Variants in ASXL2 observed in about 807,000 individuals in gnomAD.
The protein encoded by ASXL2 is putative Polycomb group protein ASXL2.
Under a neutral mutation model 122.0 loss-of-function variants are expected in ASXL2, and 23 were observed. The ratio of observed to expected loss-of-function variants is 0.19; its 90% CI spans 0.14 to 0.27. ASXL2 has a LOEUF of 0.27. ASXL2 is among the 10% of genes least tolerant of loss of function. ASXL2 has a pLI of 1.00. For synonymous variants in ASXL2, 650 were observed against 637.0 expected, an observed-to-expected ratio of 1.02 and a Z score of -0.31; for missense variants, 1,518 against 1,713.8, an observed-to-expected ratio of 0.89 and a Z score of 2.02.
intron 1 of ASXL2, among the ~76,000 whole-genome samples, chr2:25,849,978 T>TA (rs1203164974): frequency 1.3e-5 from 2 of 152,098 alleles, no homozygotes; most frequent in Non-Finnish European, 2.9e-5. Flanking sequence ...TATGGAAATC[T>TA]AAAAAAAATT....
Position 25,743,192 on chromosome 2 carries a change from T to C in ASXL2, c.3145A>G (p.Ile1049Val), listed in dbSNP as rs1218208103. 3 of 1,614,010 alleles carry C rather than the reference T, an allele frequency of 1.9e-6. No individual in the cohort carries two copies. Among genetic ancestry groups the C allele is most frequent in the Non-Finnish European group, 2.5e-6 (3 of 1,179,884 alleles). ...FSAKELRDSSIDTHQYHEGLS... is the reference protein window; with the variant it reads ...FSAKELRDSSVDTHQYHEGLS... The stretch of plus-strand genomic sequence containing the variant: ...CCTTCGTGGTATTGGTGTGTGTCAA[T>C]GCTGGAGTCCCTCAGCTCCTTAGCT... The change falls in exon 13 of 13, where the codon ATT becomes GTT. Residue 1049 changes from isoleucine (I) to valine (V), a missense_variant. Transcript: ENST00000435504.
intron 8 of ASXL2, among the ~76,000 whole-genome samples, chr2:25,764,627 G>C (rs1278956835): frequency 6.6e-6 from 1 of 152,006 alleles, no homozygotes; most frequent in East Asian, 1.9e-4. Flanking sequence ...CCAGTTTTTT[G>C]TTTAATATAA....
At chr2:25,832,897 C>T (rs977854917) in intron 3 of ASXL2, among the ~76,000 whole-genome samples, 1 of 152,112 alleles carries the variant, frequency 6.6e-6, no homozygotes, top group East Asian at 1.9e-4. Flanking sequence ...GAGGACTCTC[C>T]AGAGACATAC....
chr2:25,823,670 CT>C (rs1418029150), intron 3 of ASXL2, among the ~76,000 whole-genome samples: 1 of 151,098 alleles, frequency 6.6e-6, no homozygotes, highest in Admixed American at 6.6e-5. Flanking sequence ...AGATTTGTAT[CT>C]GCACTGTCAG....
rs376019147 is a variant in ASXL2 at position 25,744,305 on chromosome 2, C to T, written c.2032G>A (p.Ala678Thr). ...ACTGAGGCGGCTGCAGCAGCTGCGGCGGCAGCGGCAGCTGCTGCCCTCTGT... is the reference window on the plus strand; with the variant it reads ...ACTGAGGCGGCTGCAGCAGCTGCGGTGGCAGCGGCAGCTGCTGCCCTCTGT... ...KAQRAAAAAA[A>T]AAAAAASVGG... The change falls in exon 13 of 13, where the codon GCC (alanine) becomes ACC (threonine). Residue 678 changes from alanine to threonine, a missense_variant. This residue lies in a region of ASXL2 where 48 missense variants were observed against 82.1 expected (regional missense o/e 0.58). Coordinates refer to ENST00000435504, the MANE Select transcript of ASXL2 (RefSeq NM_018263.6). This position sits in a 1 kb window ranked among gnomAD's most constrained non-coding sequence, Gnocchi z 4.7. 2.0e-5 allele frequency: 33 copies of T among 1,611,120 alleles called. No individual in the cohort carries two copies. The highest frequency in any genetic ancestry group is 1.6e-4 in the Middle Eastern group (1 of 6,068).
intron 5 of ASXL2, among the ~76,000 whole-genome samples, chr2:25,792,670 T>C (rs2088852496): frequency 6.6e-6 from 1 of 151,996 alleles, no homozygotes; most frequent in Non-Finnish European, 1.5e-5. Context: ...TGGCGTGATC[T>C]TGGCTCACTG....
At chr2:25,845,409 T>C (rs1474725255) in intron 2 of ASXL2, 72 bp downstream of exon 2, 4 of 1,302,084 alleles carry the variant, frequency 3.1e-6, no homozygotes, top group Non-Finnish European at 4.1e-6. Context: ...AGGACTAAAG[T>C]ATACTATTAT....
At chr2:25,794,570 C>T (rs932162929) in intron 5 of ASXL2, among the ~76,000 whole-genome samples, 1 of 152,174 alleles carries the variant, frequency 6.6e-6, no homozygotes, top group Non-Finnish European at 1.5e-5. Context: ...CCACTTTACA[C>T]AGAAATCAAT....
rs2087757103 is a variant in ASXL2 at position 25,737,572 on chromosome 2, A to G, written c.*4457T>C. 1 of 152,166 alleles carries G rather than the reference A, an allele frequency of 6.6e-6. No individual in the cohort carries two copies. The highest frequency in any genetic ancestry group is 1.9e-4 in the East Asian group (1 of 5,198). The allele number at this position is 152,166 out of a possible 1,614,324, so 9.4% of individuals were successfully genotyped here. On this transcript the variant is annotated 3_prime_UTR_variant, in exon 13 of 13. Coordinates refer to ENST00000435504, the MANE Select transcript of ASXL2 (RefSeq NM_018263.6). The stretch of plus-strand genomic sequence containing the variant: ...AGTTCCTCATTTTACTCTCTTCCAT[A>G]CAATCTGTGGGAACCATCCCATAGG...
chr2:25,742,305 A>G lies in ASXL2; in HGVS notation c.4032T>C (p.Ala1344=). The part of the protein sequence containing the change: ...STSSDMDHNS[A]VPGSQVSSNV... ...TGCTAGATACCTGGCTACCTGGTAC[A>G]GCAGAGTTATGGTCCATGTCAGATG... Residue 1344 remains alanine (A), a synonymous_variant, in exon 13 of 13, where the codon GCT becomes GCC. Transcript: ENST00000435504. 3 of 1,613,904 alleles carry G rather than the reference A, an allele frequency of 1.9e-6. No homozygotes were observed. The highest frequency in any genetic ancestry group is 2.5e-6 in the Non-Finnish European group (3 of 1,179,870).
chr2:25,861,346 C>A (rs538805054), intron 1 of ASXL2, among the ~76,000 whole-genome samples: 63 of 152,216 alleles, frequency 4.1e-4, no homozygotes, highest in African/African-American at 1.4e-3. Context: ...ATTCTATGCC[C>A]ACATACTTAA....
chr2:25,821,984 G>A (rs1433228379), intron 3 of ASXL2, among the ~76,000 whole-genome samples: 1 of 152,184 alleles, frequency 6.6e-6, no homozygotes, highest in East Asian at 1.9e-4. Flanking sequence ...GATGCAATGA[G>A]TTGCAAGTAA....
intron 3 of ASXL2, among the ~76,000 whole-genome samples, chr2:25,822,094 A>C (rs2089318790): frequency 6.6e-6 from 1 of 152,230 alleles, no homozygotes; most frequent in African/African-American, 2.4e-5. Context: ...AGAAGAATTC[A>C]TCTTCCACCT....
chr2:25,777,757 C>T (rs2088572233), intron 5 of ASXL2, among the ~76,000 whole-genome samples: 1 of 152,120 alleles, frequency 6.6e-6, no homozygotes, highest in Non-Finnish European at 1.5e-5. Flanking sequence ...TTCATTTTAA[C>T]AGGAGTTCAT....
At position 25,734,297 on chromosome 2, in the gene ASXL2, T is replaced by C. The variant is rs2087698016; in HGVS notation, c.*7732A>G. On this transcript the variant is annotated 3_prime_UTR_variant, in exon 13 of 13. Transcript: ENST00000435504. Reference sequence around the variant, plus strand: ...AAAGGGGTAACCAAATCCAAGACTCTGGAAGCATCTGATTAACTTAAAATG... The same window carrying C: ...AAAGGGGTAACCAAATCCAAGACTCCGGAAGCATCTGATTAACTTAAAATG... 1 of 152,154 alleles carries C rather than the reference T, an allele frequency of 6.6e-6. No individual in the cohort carries two copies. The allele number at this position is 152,154 out of a possible 1,614,324, so 9.4% of individuals were successfully genotyped here. A position where few individuals can be genotyped will look rare whatever the true frequency, so the allele number is the denominator to read the frequency against.
rs922165405 is a variant in ASXL2, at chr2:25,734,685, C to T, written c.*7344G>A. ...AATAAAAGTATTGACTCAAGTTGGT[C>T]TAATATAGTGTTTAGGAAGCCAAGT... On this transcript the variant is annotated 3_prime_UTR_variant, in exon 13 of 13. Coordinates refer to ENST00000435504, the MANE Select transcript of ASXL2 (RefSeq NM_018263.6). 1.3e-5 allele frequency: 2 copies of T among 152,146 alleles called. No individual in the cohort carries two copies. The highest frequency in any genetic ancestry group is 6.5e-5 in the Admixed American group (1 of 15,278). The allele number at this position is 152,146 out of a possible 1,614,324, so 9.4% of individuals were successfully genotyped here. A position where few individuals can be genotyped will look rare whatever the true frequency, so the allele number is the denominator to read the frequency against.
chr2:25,875,298 C>T (rs751841889), intron 1 of ASXL2, among the ~76,000 whole-genome samples: 1 of 151,884 alleles, frequency 6.6e-6, no homozygotes, highest in African/African-American at 2.4e-5. Context: ...TTGGCATAAT[C>T]TACTATTATA....
intron 1 of ASXL2, among the ~76,000 whole-genome samples, chr2:25,866,913 T>A (rs2089911256): frequency 6.6e-6 from 1 of 150,698 alleles, no homozygotes; most frequent in African/African-American, 2.4e-5. Context: ...TTTTTTTATT[T>A]TTTTGAGACA....
chr2:25,864,423 C>T (rs1032209916), intron 1 of ASXL2, among the ~76,000 whole-genome samples: 3 of 152,066 alleles, frequency 2.0e-5, no homozygotes, highest in African/African-American at 7.2e-5. Flanking sequence ...AACTAAGGCA[C>T]AGGAATTGGA....
Sources: gnomAD v4.1 joint callset for allele counts (sites outside exome capture counted in the v4.1 genomes callset) on GRCh38, gnomAD v4.1.1 for gene constraint, gnomAD v4.1.1 regional missense constraint, Gnocchi (gnomAD v3.1) non-coding constraint, MANE v1.5 for transcripts, NCBI Gene and HGNC (gene_info 2026-07-23, HGNC 2026-07-21) for gene names.